TSG101: variants seen among roughly 807,000 people sequenced by gnomAD.
The protein encoded by TSG101 is tumor susceptibility gene 101 protein.
TSG101 carries 19 observed loss-of-function variants against 48.5 expected under a neutral mutation model. The observed-to-expected ratio is 0.39, with a 90% confidence interval of 0.27 to 0.58. The LOEUF (loss-of-function observed/expected upper bound fraction) is 0.58, where lower values mean the gene tolerates loss of function less well. TSG101 is among the 20% of genes least tolerant of loss of function. The pLI is 0.55. For synonymous variants in TSG101, 174 were observed against 169.4 expected, an observed-to-expected ratio of 1.03 and a Z score of -0.21; for missense variants, 365 against 484.4, an observed-to-expected ratio of 0.75 and a Z score of 2.31.
chr11:18,526,764 C>G lies in TSG101; in HGVS notation c.42+11G>C. Reference sequence around the variant, plus strand: ...GGCGCGCCCTGGGAGGCGAGCGCGTCGCAGCCTCACCTTGGACACCATTTT... The same window carrying G: ...GGCGCGCCCTGGGAGGCGAGCGCGTGGCAGCCTCACCTTGGACACCATTTT... On this transcript the variant is annotated intron_variant, in intron 1 of 9. Transcript: ENST00000251968. The G allele has an allele frequency of 6.2e-7, 1 of 1,600,688 alleles. No homozygotes were observed. Among genetic ancestry groups the G allele is most frequent in the African/African-American group, 1.3e-5 (1 of 75,026 alleles).
At chr11:18,481,952 C>T (rs1374936218) in intron 8 of TSG101, 83 bp from the exon 9 acceptor site, 37 of 1,545,930 alleles carry the variant, frequency 2.4e-5, no homozygotes, top group Non-Finnish European at 3.0e-5. Flanking sequence ...CAGGAAAAGA[C>T]AGGCTAACAA....
chr11:18,506,027 G>A (rs1001780652), intron 6 of TSG101, among the ~76,000 whole-genome samples: 3 of 152,220 alleles, frequency 2.0e-5, no homozygotes, highest in South Asian at 2.1e-4. Flanking sequence ...CTGTTGGCCA[G>A]GCTGGTCTCG....
At position 18,510,031 on chromosome 11, in the gene TSG101, A is replaced by T. The variant is rs16935495; in HGVS notation, c.358-366T>A. Among the ~76,000 whole-genome samples the T allele has an allele frequency of 8.3e-3, 1,259 of 152,326 alleles. 12 individuals are homozygous for T. Among genetic ancestry groups the T allele is most frequent in the African/African-American group, 0.029 (1,203 of 41,580 alleles). Reference sequence around the variant, plus strand: ...GGGATGAATATGAGCAACAGTCACAATATTATTAAAGGCCATTAAAAGACA... The same window carrying T: ...GGGATGAATATGAGCAACAGTCACATTATTATTAAAGGCCATTAAAAGACA... On this transcript the variant is annotated intron_variant, in intron 4 of 9. Coordinates refer to ENST00000251968, the MANE Select transcript of TSG101 (RefSeq NM_006292.4).
chr11:18,491,440 C>T (rs1849700204), intron 7 of TSG101, among the ~76,000 whole-genome samples: 2 of 152,258 alleles, frequency 1.3e-5, no homozygotes, highest in South Asian at 4.1e-4. Flanking sequence ...GGTGAGCTAC[C>T]TTGGTGGGTA....
chr11:18,526,048 A>C (rs1019839843), intron 1 of TSG101, among the ~76,000 whole-genome samples: 1 of 151,922 alleles, frequency 6.6e-6, no homozygotes, highest in Non-Finnish European at 1.5e-5. Context: ...AAGCCATTCC[A>C]CTCTGGTGTG....
chr11:18,485,859 G>A (rs990491747), intron 7 of TSG101, among the ~76,000 whole-genome samples: 1 of 152,158 alleles, frequency 6.6e-6, no homozygotes, highest in Non-Finnish European at 1.5e-5. Flanking sequence ...CCGGTGAAAC[G>A]CCACCTTCAA....
At chr11:18,512,723 A>ATTT (rs776263228) in intron 4 of TSG101, among the ~76,000 whole-genome samples, 18,136 of 120,064 alleles carry the variant, frequency 0.15, 1,752 homozygotes, top group East Asian at 0.24. Flanking sequence ...GGACAGACAG[A>ATTT]TTTTTTTTTT....
At chr11:18,517,949 T>C (rs760815669) in intron 2 of TSG101, among the ~76,000 whole-genome samples, 1 of 152,242 alleles carries the variant, frequency 6.6e-6, no homozygotes, top group African/African-American at 2.4e-5. Context: ...TAAAAGTATT[T>C]GTTAACAATG....
At position 18,496,458 on chromosome 11, in the gene TSG101, AAAATAAAAT is replaced by A. The variant is rs1849780097; in HGVS notation, c.640+6019_640+6027del. On this transcript the variant is annotated intron_variant, in intron 7 of 9. Transcript: ENST00000251968. Reference sequence around the variant, plus strand: ...CTCTGTCTCAAAAATAAAATAAAATAAAATAAAATAAAATAAAATAAAATAAAATAAAAT... The same window carrying A: ...CTCTGTCTCAAAAATAAAATAAAATAAAAATAAAATAAAATAAAATAAAAT... 2.3e-5 allele frequency among the ~76,000 whole-genome samples: 2 copies of A among 88,222 alleles called. 1 individual carries two copies. The allele number at this position is 88,222 out of a possible 152,430, so 57.9% of individuals were successfully genotyped here.
At chr11:18,509,510 G>T (rs1161259965) in intron 5 of TSG101, 32 bp downstream of exon 5, 13 of 1,598,474 alleles carry the variant, frequency 8.1e-6, no homozygotes, top group Non-Finnish European at 1.1e-5. Flanking sequence ...TTGTTTATAT[G>T]AGTTTTAAAG....
intron 7 of TSG101, among the ~76,000 whole-genome samples, chr11:18,484,931 CCG>C (rs1849596756): frequency 2.3e-5 from 3 of 127,744 alleles, no homozygotes; most frequent in Non-Finnish European, 3.1e-5. Context: ...ACCTTAATTG[CCG>C]CCTTTTTTTT....
chr11:18,505,857 G>A (rs139185746), intron 6 of TSG101, among the ~76,000 whole-genome samples: 2,683 of 152,040 alleles, frequency 0.018, 70 homozygotes, highest in African/African-American at 0.061. Flanking sequence ...TTGCTCTGTC[G>A]CCCAGGGTGG....
intron 7 of TSG101, among the ~76,000 whole-genome samples, chr11:18,502,046 G>A (rs1161428637): frequency 6.6e-6 from 1 of 152,142 alleles, no homozygotes; most frequent in Non-Finnish European, 1.5e-5. Flanking sequence ...TTTTTTAGTT[G>A]AAGAAAATTA....
chr11:18,520,695 T>A (rs934611796), intron 1 of TSG101, among the ~76,000 whole-genome samples: 1 of 152,218 alleles, frequency 6.6e-6, no homozygotes, highest in Non-Finnish European at 1.5e-5. Flanking sequence ...TTCATAGATA[T>A]ATGTTTCTGT....
intron 7 of TSG101, among the ~76,000 whole-genome samples, chr11:18,493,163 T>C (rs1849723167): frequency 6.6e-6 from 1 of 152,222 alleles, no homozygotes; most frequent in African/African-American, 2.4e-5. Context: ...CTAACAGACT[T>C]TGAGTAACAA....
chr11:18,502,356 A>G (rs1426667514), intron 7 of TSG101, 130 bp downstream of exon 7: 2 of 585,786 alleles, frequency 3.4e-6, no homozygotes, highest in African/African-American at 3.8e-5. Flanking sequence ...GTTTAAGATT[A>G]TAGTACATTA....
chr11:18,506,916 G>A lies in TSG101; in HGVS notation c.489C>T (p.Tyr163=), dbSNP rs1849984479. The change falls in exon 6 of 10, where the codon TAC becomes TAT. Residue 163 remains tyrosine (Y), a synonymous_variant. Transcript: ENST00000251968. ...YQATGPPNTS[Y]MPGMPGGISP... is the part of the protein sequence containing the mutation. ...AGATTCCACCTGGCATGCCTGGCAT[G>A]TAGGAAGCTAAAAACAATTTTTTTC... is the stretch of plus-strand genomic sequence containing the variant. 3 of 1,606,086 alleles carry A rather than the reference G, an allele frequency of 1.9e-6. No individual in the cohort carries two copies. The highest frequency in any genetic ancestry group is 1.7e-4 in the Middle Eastern group (1 of 6,030).
chr11:18,485,852 G>A (rs756790887), intron 7 of TSG101, among the ~76,000 whole-genome samples: 2 of 152,320 alleles, frequency 1.3e-5, no homozygotes, highest in African/African-American at 2.4e-5. Flanking sequence ...TGGGTCCCCG[G>A]TGAAACGCCA....
intron 9 of TSG101, 106 bp from the exon 10 acceptor site, chr11:18,480,741 G>T: frequency 2.0e-6 from 2 of 986,164 alleles, no homozygotes; most frequent in South Asian, 1.5e-5. Context: ...CCTAACTCAT[G>T]ACCTGCCAAC....
Sources: gnomAD v4.1 joint callset for allele counts (sites outside exome capture counted in the v4.1 genomes callset) on GRCh38, gnomAD v4.1.1 for gene constraint, MANE v1.5 for transcripts, NCBI Gene and HGNC (gene_info 2026-07-23, HGNC 2026-07-21) for gene names.